KIF18B: variants seen among roughly 807,000 people sequenced by gnomAD.
KIF18B encodes the protein kinesin-like protein KIF18B.
In KIF18B, 49 loss-of-function variants were observed where a neutral mutation model predicts 80.9. The ratio of observed to expected loss-of-function variants is 0.61; its 90% confidence interval spans 0.48 to 0.77. The LOEUF (loss-of-function observed/expected upper bound fraction) is 0.77. Ranked by LOEUF, KIF18B falls within the 30% of genes least tolerant of loss-of-function variation. The probability of loss-of-function intolerance (pLI) is 0.00; values close to 1 mark genes in which losing one functional copy is unlikely to be tolerated. For missense variants in KIF18B, 994 were observed against 1,127.7 expected, an observed-to-expected ratio of 0.88 and a Z score of 1.70; for synonymous variants, 439 against 463.9, an observed-to-expected ratio of 0.95 and a Z score of 0.69.
intron 12 of KIF18B, 56 bp from the exon 13 acceptor site, chr17:44,928,634 G>A: frequency 7.0e-7 from 1 of 1,432,312 alleles, no homozygotes; most frequent in Non-Finnish European, 9.1e-7. Flanking sequence ...CTGGAGACAT[G>A]AAGGAGCCCA....
At chr17:44,945,500 G>A (rs574440448) in intron 1 of KIF18B, among the ~76,000 whole-genome samples, 4 of 152,104 alleles carry the variant, frequency 2.6e-5, no homozygotes, top group Non-Finnish European at 2.9e-5. Flanking sequence ...TCTAAGTATC[G>A]CTTTAACTGC....
chr17:44,926,881 G>T (rs1402169725), intron 14 of KIF18B, 108 bp downstream of exon 14: 11 of 941,142 alleles, frequency 1.2e-5, no homozygotes, highest in Non-Finnish European at 1.7e-5. Context: ...TGCTTGCTCC[G>T]GGGGTGTAGA....
chr17:44,942,371 G>A (rs1047331261), intron 1 of KIF18B, among the ~76,000 whole-genome samples: 2 of 152,204 alleles, frequency 1.3e-5, no homozygotes, highest in African/African-American at 4.8e-5. Context: ...GTTTTGGGGA[G>A]AGCCTGCTCT....
chr17:44,937,927 T>G (rs952513646), intron 1 of KIF18B, among the ~76,000 whole-genome samples: 1 of 151,832 alleles, frequency 6.6e-6, no homozygotes, highest in Non-Finnish European at 1.5e-5. Flanking sequence ...TTACTTGGGG[T>G]TATTGTTAGG....
chr17:44,925,953 G>T lies in KIF18B; in HGVS notation c.*127C>A. On this transcript the variant is annotated 3_prime_UTR_variant, in exon 16 of 16. Coordinates refer to ENST00000593135, the MANE Select transcript of KIF18B (RefSeq NM_001265577.2). ...ATGTTAATACAGCAAAGGTGTGTTG[G>T]CACTAATTGCTCCCAGGTAAGGAAG... 1 of 862,772 alleles carries T rather than the reference G, an allele frequency of 1.2e-6. No homozygotes were observed. Among genetic ancestry groups the T allele is most frequent in the Non-Finnish European group, 1.9e-6 (1 of 528,258 alleles). The allele number at this position is 862,772 out of a possible 1,614,324, so 53.4% of individuals were successfully genotyped here.
Position 44,934,187 on chromosome 17 carries a change from T to G in KIF18B, c.885+46A>C, listed in dbSNP as rs751249358. ...TGTGGCCTTTGGCCCTGGGTTCAGG[T>G]GCTCAGTTGCTATCCTGGGGAGAAT... On this transcript the variant is annotated intron_variant, in intron 6 of 15. Coordinates refer to ENST00000593135, the MANE Select transcript of KIF18B (RefSeq NM_001265577.2). The surrounding 1 kb of genome is among the most constrained non-coding windows in gnomAD (Gnocchi z 5.4). 4 of 1,593,912 alleles carry G rather than the reference T, an allele frequency of 2.5e-6. No individual in the cohort carries two copies. The African/African-American group carries it at 4.0e-5, about 16-fold the overall frequency.
At position 44,931,584 on chromosome 17, in the gene KIF18B, C is replaced by T; in HGVS notation, c.1517+18G>A. ...TGCTTCCCACCTTGATTCCAGAATA[C>T]AGCAAGAAGATACCTACTGCTTAGA... On this transcript the variant is annotated intron_variant, in intron 11 of 15. Coordinates refer to ENST00000593135, the MANE Select transcript of KIF18B (RefSeq NM_001265577.2). The T allele has an allele frequency of 6.2e-7, 1 of 1,613,906 alleles. No homozygotes were observed. The highest frequency in any genetic ancestry group is 8.5e-7 in the Non-Finnish European group (1 of 1,179,856).
intron 9 of KIF18B, 110 bp from the exon 10 acceptor site, chr17:44,932,316 T>C: frequency 1.6e-6 from 2 of 1,289,638 alleles, no homozygotes; most frequent in Non-Finnish European, 2.1e-6. Flanking sequence ...GGGATCTCTG[T>C]GGCACCCAGG....
intron 1 of KIF18B, among the ~76,000 whole-genome samples, chr17:44,942,300 C>T (rs1264261251): frequency 1.3e-5 from 2 of 152,212 alleles, no homozygotes; most frequent in Non-Finnish European, 2.9e-5. Flanking sequence ...CCCAGGGCAG[C>T]TCATTAAAAC....
chr17:44,926,482 C>G lies in KIF18B; in HGVS notation c.2384G>C (p.Gly795Ala). 1 of 1,587,380 alleles carries G rather than the reference C, an allele frequency of 6.3e-7. No homozygotes were observed. The highest frequency in any genetic ancestry group is 1.2e-5 in the South Asian group (1 of 86,588). ...KRVASSSVSHGRSRIARLPSS... is the reference protein window; with the variant it reads ...KRVASSSVSHARSRIARLPSS... ...GGGGAGGCGGGCGATGCGGCTGCGG[C>G]CATGGGAGACTGAGGAACTGAGGGA... is the stretch of plus-strand genomic sequence containing the variant. Residue 795 changes from glycine (G) to alanine (A), a missense_variant, in exon 15 of 16, where the codon GGC (glycine) becomes GCC (alanine). Transcript: ENST00000593135.
intron 11 of KIF18B, among the ~76,000 whole-genome samples, chr17:44,930,209 G>A (rs1374548962): frequency 2.6e-5 from 4 of 152,222 alleles, no homozygotes; most frequent in African/African-American, 4.8e-5. Flanking sequence ...AGACAATTGC[G>A]AAGCATGGGC....
intron 1 of KIF18B, among the ~76,000 whole-genome samples, chr17:44,946,894 C>T (rs1416742549): frequency 3.3e-5 from 5 of 151,900 alleles, no homozygotes; most frequent in Non-Finnish European, 5.9e-5. Flanking sequence ...GCCGAAGCGG[C>T]GGATCGCCTG....
chr17:44,932,438 T>A, intron 9 of KIF18B: 1 of 596,292 alleles, frequency 1.7e-6, no homozygotes, highest in Non-Finnish European at 3.0e-6. Flanking sequence ...ACCCCTAAGT[T>A]CACCTTCTCT....
chr17:44,935,140 T>C, intron 3 of KIF18B, 119 bp downstream of exon 3: 1 of 1,114,068 alleles, frequency 9.0e-7, no homozygotes, highest in Non-Finnish European at 1.3e-6. Flanking sequence ...ATCTATCTCC[T>C]TGAGGGGTGC....
intron 1 of KIF18B, among the ~76,000 whole-genome samples, chr17:44,936,791 C>T (rs1470041285): frequency 6.7e-6 from 1 of 150,340 alleles, no homozygotes; most frequent in Non-Finnish European, 1.5e-5. Flanking sequence ...AGGTGTGTGC[C>T]ACCATGCCTG....
In KIF18B at chr17:44,925,222, G is replaced by C. The variant is rs571920568; in HGVS notation, c.*858C>G. ...TCCCAGCACTTTGGGAGGCCGAGGC[G>C]GGTGGATCATGAGGTCAGATCGAGA... is the stretch of plus-strand genomic sequence containing the variant. On this transcript the variant is annotated 3_prime_UTR_variant, in exon 16 of 16. Transcript: ENST00000593135. The C allele has an allele frequency of 1.3e-5, 2 of 152,332 alleles. No individual in the cohort carries two copies. The highest frequency in any genetic ancestry group is 4.8e-5 in the African/African-American group (2 of 41,412). 9.4% of individuals were successfully genotyped at this position (152,332 alleles called of 1,614,324 possible). A position where few individuals can be genotyped will look rare whatever the true frequency, so the allele number is the denominator to read the frequency against.
Position 44,927,608 on chromosome 17 carries a change from C to T in KIF18B, c.2276+418G>A, listed in dbSNP as rs573562366. ...CCTGTTCCAGATGCTGGGCCGGAGG[C>T]CAAAATCTGGAGTAGAAGTGGCAGA... On this transcript the variant is annotated intron_variant, in intron 13 of 15. Coordinates refer to ENST00000593135, the MANE Select transcript of KIF18B (RefSeq NM_001265577.2). The surrounding 1 kb of genome is among the most constrained non-coding windows in gnomAD (Gnocchi z 4.1). 6.6e-6 allele frequency among the ~76,000 whole-genome samples: 1 copy of T among 152,316 alleles called. No homozygotes were observed. Among genetic ancestry groups the T allele is most frequent in the African/African-American group, 2.4e-5 (1 of 41,564 alleles).
At chr17:44,933,368 G>A (rs796431483) in intron 7 of KIF18B, among the ~76,000 whole-genome samples, 6 of 152,264 alleles carry the variant, frequency 3.9e-5, no homozygotes, top group African/African-American at 1.4e-4. Flanking sequence ...TGGCCAATGA[G>A]AGGCCACCCT....
At chr17:44,931,916 ATCC>A (rs1425306580) in intron 10 of KIF18B, 137 bp downstream of exon 10, 1 of 1,193,472 alleles carries the variant, frequency 8.4e-7, no homozygotes, top group African/African-American at 1.5e-5. Context: ...AGAATCTGAA[ATCC>A]TCCTAATGAC....
Sources: gnomAD v4.1 joint callset for allele counts (sites outside exome capture counted in the v4.1 genomes callset) on GRCh38, gnomAD v4.1.1 for gene constraint, Gnocchi (gnomAD v3.1) non-coding constraint, MANE v1.5 for transcripts, NCBI Gene and HGNC (gene_info 2026-07-23, HGNC 2026-07-21) for gene names.